Variants in BLK observed in about 807,000 individuals in gnomAD.
BLK encodes the protein tyrosine-protein kinase Blk.
BLK carries 64 observed loss-of-function variants against 61.8 expected under a neutral mutation model. The ratio of observed to expected loss-of-function variants is 1.03; its 90% CI spans 0.85 to 1.27. The LOEUF (loss-of-function observed/expected upper bound fraction) is 1.27, where lower values mean the gene tolerates loss of function less well. BLK is among the 50% of genes most tolerant of loss of function. The pLI, the probability that BLK is intolerant of heterozygous loss-of-function variation, is 0.00. For missense variants in BLK, 853 were observed against 660.5 expected (o/e 1.29, Z -3.19); for synonymous variants, 351 against 272.0 (o/e 1.29, Z -2.86).
intron 10 of BLK, chr8:11,559,099 T>C: frequency 2.3e-6 from 1 of 432,686 alleles, no homozygotes; most frequent in Non-Finnish European, 4.7e-6. Context: ...CGCTGTCTCC[T>C]ATTCAATCCC....
At chr8:11,535,395 G>T (rs1176621724) in intron 1 of BLK, among the ~76,000 whole-genome samples, 1 of 152,250 alleles carries the variant, frequency 6.6e-6, no homozygotes, top group Non-Finnish European at 1.5e-5. Context: ...AGCTGTGAAT[G>T]ACTGTAGCAC....
intron 2 of BLK, 77 bp downstream of exon 2, chr8:11,543,424 G>A (rs1800481824): frequency 6.3e-7 from 1 of 1,582,168 alleles, no homozygotes; most frequent in Non-Finnish European, 8.6e-7. Flanking sequence ...TGTAAAATGG[G>A]TATAGCAAAA....
At chr8:11,543,847 A>G (rs1435465451) in intron 2 of BLK, among the ~76,000 whole-genome samples, 1 of 152,250 alleles carries the variant, frequency 6.6e-6, no homozygotes, top group Admixed American at 6.5e-5. Context: ...GGAAAAAAAA[A>G]GTGAAATTTC....
At chr8:11,562,323 A>G (rs896095637) in intron 11 of BLK, among the ~76,000 whole-genome samples, 5 of 152,176 alleles carry the variant, frequency 3.3e-5, no homozygotes, top group Non-Finnish European at 7.4e-5. Flanking sequence ...CAAGCTAGCA[A>G]GCAGTGTCTG....
At chr8:11,552,702 C>T (rs1429142752) in intron 6 of BLK, 1 of 152,216 alleles carries the variant, frequency 6.6e-6, no homozygotes, top group East Asian at 1.9e-4. Context: ...GATATTTCAA[C>T]CATTGCCTAT....
In BLK at chr8:11,505,479, C is replaced by T. The variant is rs117313882; in HGVS notation, c.-2+10888C>T. 4.3e-3 allele frequency among the ~76,000 whole-genome samples: 657 copies of T among 152,266 alleles called. 1 individual carries two copies. The highest frequency in any genetic ancestry group is 0.01 in the Middle Eastern group (3 of 294). On this transcript the variant is annotated intron_variant, in intron 1 of 12. Transcript: ENST00000259089. ...TGCAGGGCCAACTGTAGCCTCTGGC[C>T]GGTGTCCCTGAGTGAGGGCAAAGTT...
intron 3 of BLK, among the ~76,000 whole-genome samples, chr8:11,547,260 C>T (rs182575117): frequency 2.6e-5 from 4 of 152,364 alleles, no homozygotes; most frequent in African/African-American, 7.2e-5. Context: ...TTCTGACCCT[C>T]GCTTTCCTGC....
intron 1 of BLK, among the ~76,000 whole-genome samples, chr8:11,511,708 A>C (rs1799014552): frequency 1.3e-5 from 2 of 152,208 alleles, no homozygotes; most frequent in Non-Finnish European, 1.5e-5. Context: ...AATACGGCAA[A>C]CAGTCATGCA....
intron 12 of BLK, among the ~76,000 whole-genome samples, chr8:11,563,320 C>G (rs976337993): frequency 2.0e-5 from 3 of 152,236 alleles, no homozygotes; most frequent in Non-Finnish European, 4.4e-5. Context: ...CTTCCTCCAG[C>G]AGAGGTCAAA....
intron 3 of BLK, among the ~76,000 whole-genome samples, chr8:11,546,884 C>A (rs1451268958): frequency 6.6e-6 from 1 of 152,194 alleles, no homozygotes; most frequent in Non-Finnish European, 1.5e-5. Context: ...CCCCTAGACT[C>A]CACTTCTGCT....
intron 1 of BLK, 103 bp from the exon 2 acceptor site, chr8:11,543,121 A>G: frequency 1.3e-6 from 2 of 1,585,550 alleles, no homozygotes; most frequent in Non-Finnish European, 8.6e-7. Flanking sequence ...CTTCCACCCC[A>G]CCTTTCTAAC....
chr8:11,556,785 C>T lies in BLK; in HGVS notation c.900C>T (p.Tyr300=), dbSNP rs139994406. The change falls in exon 9 of 13, where the codon TAC becomes TAT. Residue 300 remains tyrosine (Y), a synonymous_variant. Transcript: ENST00000259089. ...AGCACGAGCGGCTGGTCCGACTCTA[C>T]GCAGTGGTCACCAAGGAGCCCATCT... The part of the protein sequence containing the change: ...ALQHERLVRL[Y]AVVTKEPIYI... 112 of 1,614,190 alleles carry T rather than the reference C, an allele frequency of 6.9e-5. No homozygotes were observed. The East Asian group carries it at 1.3e-3, about 19-fold the overall frequency.
chr8:11,561,005 GTTC>G, intron 10 of BLK: 1 of 592,460 alleles, frequency 1.7e-6, no homozygotes, highest in South Asian at 1.5e-5. Flanking sequence ...TCCTGCCTGT[GTTC>G]TTCTATCTTC....
chr8:11,550,939 A>T (rs1015055930), intron 6 of BLK, among the ~76,000 whole-genome samples: 1 of 152,194 alleles, frequency 6.6e-6, no homozygotes, highest in East Asian at 1.9e-4. Context: ...ATCCCTGTGT[A>T]ATGACAGCCA....
chr8:11,549,743 C>A (rs1484142875), intron 5 of BLK, among the ~76,000 whole-genome samples: 1 of 152,218 alleles, frequency 6.6e-6, no homozygotes, highest in East Asian at 1.9e-4. Context: ...CACAGAACAA[C>A]CCCATACCGA....
intron 11 of BLK, among the ~76,000 whole-genome samples, chr8:11,562,399 G>C (rs953415623): frequency 2.0e-5 from 3 of 152,212 alleles, no homozygotes; most frequent in African/African-American, 7.2e-5. Flanking sequence ...CTTCAGGCTG[G>C]CTGGGGAGAC....
intron 1 of BLK, among the ~76,000 whole-genome samples, chr8:11,500,590 A>C (rs1476112541): frequency 6.6e-6 from 1 of 151,218 alleles, no homozygotes; most frequent in East Asian, 2.0e-4. Flanking sequence ...ATCATGGCTC[A>C]CTGCAGCCTC....
chr8:11,547,427 A>C (rs1800695309), intron 3 of BLK, among the ~76,000 whole-genome samples: 1 of 152,184 alleles, frequency 6.6e-6, no homozygotes, highest in South Asian at 2.1e-4. Flanking sequence ...AGCAGGGCTC[A>C]CTTGAAGATG....
chr8:11,510,120 G>A (rs970934869), intron 1 of BLK, among the ~76,000 whole-genome samples: 1 of 152,318 alleles, frequency 6.6e-6, no homozygotes, highest in East Asian at 1.9e-4. Context: ...AGCTTGCAAA[G>A]TCATTCTGAA....
Sources: allele counts gnomAD v4.1 joint callset (sites outside exome capture counted in the v4.1 genomes callset), GRCh38; gene constraint gnomAD v4.1.1; transcripts MANE v1.5; gene names NCBI Gene and HGNC (gene_info 2026-07-23, HGNC 2026-07-21).